TIAM1: variants seen among roughly 807,000 people sequenced by gnomAD.
The protein encoded by TIAM1 is TIAM Rac1 associated GEF 1, also known as rho guanine nucleotide exchange factor TIAM1.
In TIAM1, 65 loss-of-function variants were observed where a neutral mutation model predicts 163.5. The ratio of observed to expected loss-of-function variants is 0.40; its 90% CI spans 0.33 to 0.49. The LOEUF (loss-of-function observed/expected upper bound fraction) is 0.49. TIAM1 is among the 20% of genes least tolerant of loss of function. TIAM1 has a pLI of 0.77. For missense variants in TIAM1, 1,789 were observed against 2,044.7 expected (o/e 0.87, Z 2.41); for synonymous variants, 833 against 810.1 (o/e 1.03, Z -0.48).
chr21:31,544,577 G>A (rs1245709059), intron 1 of TIAM1, among the ~76,000 whole-genome samples: 8 of 151,756 alleles, frequency 5.3e-5, no homozygotes, highest in Admixed American at 6.6e-5. Context: ...GCAGTCAGCT[G>A]AGATCACGCC....
intron 2 of TIAM1, among the ~76,000 whole-genome samples, chr21:31,328,008 G>C (rs374885760): frequency 5.9e-5 from 9 of 151,964 alleles, no homozygotes; most frequent in East Asian, 1.9e-4. Flanking sequence ...CTCCCACTTT[G>C]CTCTTTCCAC....
intron 1 of TIAM1, among the ~76,000 whole-genome samples, chr21:31,534,232 G>C (rs1230468294): frequency 6.6e-6 from 1 of 152,214 alleles, no homozygotes; most frequent in Non-Finnish European, 1.5e-5. Flanking sequence ...ATGCTGGCCA[G>C]GAGACATTGT....
chr21:31,347,316 T>C (rs2076164338), upstream of TIAM1, among the ~76,000 whole-genome samples: 1 of 152,280 alleles, frequency 6.6e-6, no homozygotes, highest in Non-Finnish European at 1.5e-5. Flanking sequence ...GCCCCAGGCA[T>C]TGGCCTTGGG....
At chr21:31,334,672 C>A (rs1323243016) in intron 2 of TIAM1, among the ~76,000 whole-genome samples, 1 of 152,178 alleles carries the variant, frequency 6.6e-6, no homozygotes, top group African/African-American at 2.4e-5. Context: ...TCACAGCCCC[C>A]ACATGGTTCA....
chr21:31,508,680 G>A (rs777996809), intron 1 of TIAM1, among the ~76,000 whole-genome samples: 18 of 152,060 alleles, frequency 1.2e-4, no homozygotes, highest in Non-Finnish European at 2.2e-4. Context: ...ATAAACCACC[G>A]CGCCCAGACT....
intron 1 of TIAM1, among the ~76,000 whole-genome samples, chr21:31,517,104 C>G (rs889061402): frequency 3.3e-5 from 5 of 151,174 alleles, no homozygotes; most frequent in Non-Finnish European, 5.9e-5. Flanking sequence ...TTCACATGTT[C>G]TAGGCTTCTC....
chr21:31,334,558 G>A (rs931542012), intron 2 of TIAM1, among the ~76,000 whole-genome samples: 2 of 152,176 alleles, frequency 1.3e-5, no homozygotes, highest in Admixed American at 6.5e-5. Flanking sequence ...ACTCTCCGGG[G>A]ATTTCAGATA....
chr21:31,140,114 C>A (rs2082779351), intron 22 of TIAM1, among the ~76,000 whole-genome samples: 1 of 152,086 alleles, frequency 6.6e-6, no homozygotes, highest in African/African-American at 2.4e-5. Flanking sequence ...AGAAAATTAT[C>A]CTTTAACAGC....
At chr21:31,127,179 C>T in intron 25 of TIAM1, 27 bp from the exon 26 acceptor site, 1 of 1,604,530 alleles carries the variant, frequency 6.2e-7, no homozygotes, top group Non-Finnish European at 8.5e-7. Flanking sequence ...AACAATGAAT[C>T]AGGGTATGTT....
chr21:31,288,554 C>T (rs1016818606), intron 2 of TIAM1, among the ~76,000 whole-genome samples: 4 of 152,162 alleles, frequency 2.6e-5, no homozygotes, highest in Admixed American at 6.5e-5. Flanking sequence ...GTCCTAAAGG[C>T]CCCACCGCAT....
intron 2 of TIAM1, among the ~76,000 whole-genome samples, chr21:31,372,620 G>A (rs2076614608): frequency 2.0e-5 from 3 of 152,142 alleles, no homozygotes; most frequent in African/African-American, 7.2e-5. Flanking sequence ...GGTAGGGGTG[G>A]GGGCAGGGTT....
chr21:31,441,769 C>G (rs2044425035), intron 2 of TIAM1, among the ~76,000 whole-genome samples: 1 of 151,554 alleles, frequency 6.6e-6, no homozygotes. Context: ...AAAACTATTG[C>G]TGAGCATGGT....
At chr21:31,247,091 A>G (rs2300344) in intron 5 of TIAM1, among the ~76,000 whole-genome samples, 39,742 of 151,988 alleles carry the variant, frequency 0.26, 7,949 homozygotes, top group African/African-American at 0.54. Flanking sequence ...AGGACAAGGT[A>G]GAAGGATTAC....
upstream of TIAM1, among the ~76,000 whole-genome samples, chr21:31,346,905 T>C (rs1266277769): frequency 2.0e-5 from 3 of 151,962 alleles, no homozygotes; most frequent in Admixed American, 2.0e-4. Flanking sequence ...GGCATATACT[T>C]TTTTTTCACC....
chr21:31,439,286 G>C (rs2044334092), intron 2 of TIAM1, among the ~76,000 whole-genome samples: 1 of 152,130 alleles, frequency 6.6e-6, no homozygotes, highest in African/African-American at 2.4e-5. Flanking sequence ...TGTATTCTTT[G>C]TTTTTGTTCG....
At chr21:31,139,856 G>A (rs780823117) in intron 22 of TIAM1, among the ~76,000 whole-genome samples, 15 of 152,172 alleles carry the variant, frequency 9.9e-5, no homozygotes, top group Non-Finnish European at 1.5e-4. Context: ...GAGCCTGTGC[G>A]ATTCTTTGTA....
intron 2 of TIAM1, among the ~76,000 whole-genome samples, chr21:31,451,720 T>TGC (rs1371313883): frequency 8.3e-4 from 19 of 22,898 alleles, no homozygotes; most frequent in African/African-American, 3.1e-3. Flanking sequence ...TGTGTGTGCG[T>TGC]GTGTGTGTGT....
rs116739353 is a variant in TIAM1 at position 31,132,801 on chromosome 21, A to G, written c.3884-1853T>C. 3.7e-3 allele frequency among the ~76,000 whole-genome samples: 559 copies of G among 152,248 alleles called. 5 individuals carry two copies. The highest frequency in any genetic ancestry group is 0.013 in the African/African-American group (538 of 41,544). ...TCAGACATGGCCTTGATGATCTCCA[A>G]AACTCATGCTACCTTTGCCAGCCTA... On this transcript the variant is annotated intron_variant, in intron 23 of 27. Transcript: ENST00000541036.
intron 2 of TIAM1, among the ~76,000 whole-genome samples, chr21:31,370,886 C>A (rs1360625350): frequency 1.3e-5 from 2 of 152,144 alleles, no homozygotes; most frequent in Non-Finnish European, 2.9e-5. Context: ...TAGCAACAAG[C>A]CCCGGTATGC....
Sources: gnomAD v4.1 joint callset for allele counts (sites outside exome capture counted in the v4.1 genomes callset) on GRCh38, gnomAD v4.1.1 for gene constraint, MANE v1.5 for transcripts, NCBI Gene and HGNC (gene_info 2026-07-23, HGNC 2026-07-21) for gene names.